Variants in MYBPC1 observed in about 807,000 individuals in gnomAD.
MYBPC1 encodes the protein myosin-binding protein C, slow-type.
Under a neutral mutation model 147.1 loss-of-function variants are expected in MYBPC1, and 52 were observed. That is an observed-to-expected ratio of 0.35 (90% CI 0.28 to 0.45). The LOEUF (loss-of-function observed/expected upper bound fraction) is 0.45, where lower values mean the gene tolerates loss of function less well. Ranked by LOEUF, MYBPC1 falls within the 20% of genes least tolerant of loss-of-function variation. The pLI is 1.00. For synonymous variants in MYBPC1, 477 were observed against 475.9 expected, an observed-to-expected ratio of 1.00 and a Z score of -0.03; for missense variants, 1,228 against 1,440.3, an observed-to-expected ratio of 0.85 and a Z score of 2.39.
chr12:101,644,617 A>T (rs1382193282), intron 11 of MYBPC1, 47 bp from the exon 12 acceptor site: 2 of 1,523,590 alleles, frequency 1.3e-6, no homozygotes, highest in African/African-American at 2.7e-5. Context: ...AATTCATAGC[A>T]TATGTATACA....
chr12:101,663,588 T>C, intron 22 of MYBPC1, 28 bp downstream of exon 22: 1 of 1,610,916 alleles, frequency 6.2e-7, no homozygotes, highest in South Asian at 1.1e-5. Flanking sequence ...ATAAAATGAA[T>C]ACTGTCATCA....
chr12:101,628,170 T>A (rs1889054298), intron 5 of MYBPC1: 1 of 316,886 alleles, frequency 3.2e-6, no homozygotes, highest in South Asian at 2.8e-5. Flanking sequence ...TCCTATCAGC[T>A]GTAGCTCCTG....
At chr12:101,646,531 C>T (rs560221310) in intron 12 of MYBPC1, among the ~76,000 whole-genome samples, 9 of 152,096 alleles carry the variant, frequency 5.9e-5, no homozygotes, top group South Asian at 4.2e-4. Context: ...CCCGGCCACA[C>T]GGGAGGCTGA....
rs764796058 is a variant in MYBPC1 at position 101,642,398 on chromosome 12, A to AC, written c.666-19dup. On this transcript the variant is annotated intron_variant, in intron 10 of 31. Transcript: ENST00000361466. ...AGGGTCAGTGCAGCTACTAAACTAG[A>AC]CCATGGTTCTCCCCGGTTAGGGAGG... is the stretch of plus-strand genomic sequence containing the variant. 2.5e-6 allele frequency: 4 copies of AC among 1,613,676 alleles called. No individual in the cohort carries two copies. The East Asian group carries it at 8.9e-5, about 36-fold the overall frequency.
At chr12:101,691,573 G>A in the MYBPC1 span, among the ~76,000 whole-genome samples, 108 of 152,362 alleles carry the variant, frequency 7.1e-4, no homozygotes, top group African/African-American at 2.5e-3. Flanking sequence ...AAAAGAACTA[G>A]TAGTAAAACT....
At chr12:101,606,733 A>G (rs1278902890) in intron 1 of MYBPC1, among the ~76,000 whole-genome samples, 2 of 152,222 alleles carry the variant, frequency 1.3e-5, no homozygotes, top group Non-Finnish European at 2.9e-5. Flanking sequence ...TTAAACATTG[A>G]TTTTTGTCCA....
At chr12:101,652,334 C>T (rs1894643590) in intron 16 of MYBPC1, among the ~76,000 whole-genome samples, 1 of 152,086 alleles carries the variant, frequency 6.6e-6, no homozygotes, top group Non-Finnish European at 1.5e-5. Flanking sequence ...TTATTCTTGG[C>T]ATCTCTTGAA....
intron 1 of MYBPC1, among the ~76,000 whole-genome samples, chr12:101,596,561 T>C (rs1877338781): frequency 6.6e-6 from 1 of 152,234 alleles, no homozygotes; most frequent in Non-Finnish European, 1.5e-5. Context: ...TTTGTTTTTT[T>C]AAAGCCTAAT....
intron 10 of MYBPC1, chr12:101,637,268 A>G (rs1307784267): frequency 1.3e-5 from 2 of 153,398 alleles, no homozygotes; most frequent in African/African-American, 2.4e-5. Flanking sequence ...AAATGCCTCA[A>G]AAATGTGTTT....
chr12:101,675,243 A>C, intron 25 of MYBPC1, 49 bp from the exon 26 acceptor site: 1 of 1,610,520 alleles, frequency 6.2e-7, no homozygotes, highest in African/African-American at 1.3e-5. Flanking sequence ...CAAAATGTAG[A>C]CTGGGAAAGA....
chr12:101,677,588 T>G (rs1900280001), intron 27 of MYBPC1, among the ~76,000 whole-genome samples, 194 bp downstream of exon 27: 1 of 152,208 alleles, frequency 6.6e-6, no homozygotes, highest in South Asian at 2.1e-4. Flanking sequence ...ATTGCATTTT[T>G]TACAAATATA....
chr12:101,631,435 C>G, intron 6 of MYBPC1, 136 bp from the exon 7 acceptor site: 1 of 1,023,544 alleles, frequency 9.8e-7, no homozygotes, highest in South Asian at 1.3e-5. Context: ...AAAATCAGGA[C>G]GAATTCATTT....
rs886048834 is a variant in MYBPC1 at position 101,667,814 on chromosome 12, C to T, written c.2439C>T (p.Ile813=). The change falls in exon 23 of 32, where the codon ATC becomes ATT. Residue 813 remains isoleucine (I), a synonymous_variant. Coordinates refer to ENST00000361466, the MANE Select transcript of MYBPC1 (RefSeq NM_002465.4). ...TITGLPTDAK[I]FVRVKAVNAA... ...CAGGTCTGCCAACAGATGCAAAGAT[C>T]TTTGTGCGTGTGAAGGCTGTTAATG... 6 of 1,614,162 alleles carry T rather than the reference C, an allele frequency of 3.7e-6. No individual in the cohort carries two copies.
intron 1 of MYBPC1, among the ~76,000 whole-genome samples, chr12:101,610,758 A>G (rs1017967923): frequency 3.3e-5 from 5 of 152,172 alleles, no homozygotes; most frequent in African/African-American, 1.2e-4. Context: ...AGACCAAGCA[A>G]TTCAGTGGGG....
intron 6 of MYBPC1, among the ~76,000 whole-genome samples, chr12:101,630,664 T>C (rs985417421): frequency 2.6e-5 from 4 of 152,192 alleles, no homozygotes; most frequent in African/African-American, 7.2e-5. Context: ...AAATATTGAT[T>C]ATATACCTCC....
chr12:101,648,171 C>A, intron 14 of MYBPC1, 21 bp downstream of exon 14: 2 of 1,557,532 alleles, frequency 1.3e-6, no homozygotes, highest in South Asian at 1.1e-5. Flanking sequence ...TTAATGAAGT[C>A]TGTCCATGTT....
chr12:101,626,088 CAAAAAAAAAA>C (rs769008600), intron 3 of MYBPC1, among the ~76,000 whole-genome samples: 15 of 55,086 alleles, frequency 2.7e-4, no homozygotes, highest in African/African-American at 9.1e-4. Flanking sequence ...AACTCTGTCT[CAAAAAAAAAA>C]AAAAAAAAAA....
intron 3 of MYBPC1, among the ~76,000 whole-genome samples, chr12:101,624,683 A>ATTTTTTTTTTTTTTTTTTTT (rs57175970): frequency 3.0e-5 from 3 of 99,104 alleles, no homozygotes; most frequent in African/African-American, 8.3e-5. Context: ...CGGCTAATTA[A>ATTTTTTTTTTTTTTTTTTTT]TTTTTTTTTT....
intron 12 of MYBPC1, 80 bp from the exon 13 acceptor site, chr12:101,646,683 T>TA: frequency 6.6e-7 from 1 of 1,525,950 alleles, no homozygotes. Flanking sequence ...TACCAAATTA[T>TA]AAGCCAAATT....
Sources: allele counts gnomAD v4.1 joint callset (sites outside exome capture counted in the v4.1 genomes callset), GRCh38; gene constraint gnomAD v4.1.1; transcripts MANE v1.5; gene names NCBI Gene and HGNC (gene_info 2026-07-23, HGNC 2026-07-21).